The following NCALD variants were observed in gnomAD, a reference collection of about 807,000 sequenced individuals.
NCALD encodes the protein neurocalcin-delta.
In NCALD, 10 loss-of-function variants were observed where a neutral mutation model predicts 18.6. The ratio of observed to expected loss-of-function variants is 0.54; its 90% CI spans 0.33 to 0.91. NCALD has a LOEUF of 0.91. NCALD is among the 40% of genes least tolerant of loss of function. The pLI, the probability that NCALD is intolerant of heterozygous loss-of-function variation, is 0.03. For synonymous variants in NCALD, 88 were observed against 87.4 expected, an observed-to-expected ratio of 1.01 and a Z score of -0.04; for missense variants, 184 against 247.6, an observed-to-expected ratio of 0.74 and a Z score of 1.72.
chr8:101,818,737 G>A (rs970463957), intron 4 of NCALD, among the ~76,000 whole-genome samples: 8 of 152,254 alleles, frequency 5.3e-5, no homozygotes, highest in Middle Eastern at 3.4e-3. Context: ...CAGACGCAGC[G>A]GCTCATGCCT....
At chr8:102,000,065 G>A (rs540061986) in intron 2 of NCALD, among the ~76,000 whole-genome samples, 56 of 152,344 alleles carry the variant, frequency 3.7e-4, no homozygotes, top group Admixed American at 1.1e-3. Flanking sequence ...CGCACCGAGC[G>A]TGAGCCGAAG....
chr8:101,753,438 C>T (rs1810742724), intron 1 of NCALD, among the ~76,000 whole-genome samples: 1 of 152,214 alleles, frequency 6.6e-6, no homozygotes, highest in African/African-American at 2.4e-5. Flanking sequence ...TTTCTCTTCA[C>T]TTTCCTGTTA....
At chr8:101,988,988 C>G (rs534967993) in intron 2 of NCALD, among the ~76,000 whole-genome samples, 2 of 150,640 alleles carry the variant, frequency 1.3e-5, no homozygotes, top group African/African-American at 4.9e-5. Flanking sequence ...CTAGCAAGTG[C>G]AGCCTGAGTC....
intron 1 of NCALD, among the ~76,000 whole-genome samples, chr8:101,732,951 T>C (rs1816908942): frequency 6.6e-6 from 1 of 152,092 alleles, no homozygotes; most frequent in Non-Finnish European, 1.5e-5. Context: ...ACTGTAGAAT[T>C]GATGTGAGAT....
At chr8:102,067,794 A>G (rs1824056815) in intron 1 of NCALD, among the ~76,000 whole-genome samples, 1 of 152,202 alleles carries the variant, frequency 6.6e-6, no homozygotes, top group South Asian at 2.1e-4. Flanking sequence ...CAGGTAGAGA[A>G]TAAAGAACTA....
intron 1 of NCALD, among the ~76,000 whole-genome samples, chr8:101,733,720 A>G (rs1816946989): frequency 6.6e-6 from 1 of 152,188 alleles, no homozygotes; most frequent in Admixed American, 6.5e-5. Flanking sequence ...GATGCAAGAA[A>G]GAACGAGAGA....
intron 4 of NCALD, among the ~76,000 whole-genome samples, chr8:101,863,715 G>T (rs1483858795): frequency 1.3e-5 from 2 of 152,154 alleles, no homozygotes; most frequent in Admixed American, 6.5e-5. Context: ...ACTTTGAGAG[G>T]CTAGAAAGCT....
intron 3 of NCALD, chr8:101,915,610 T>C (rs1240224008): frequency 6.6e-6 from 1 of 152,214 alleles, no homozygotes; most frequent in Non-Finnish European, 1.5e-5. Context: ...CAGTACCTTA[T>C]TTACTTCATT....
intron 3 of NCALD, among the ~76,000 whole-genome samples, chr8:101,888,466 G>A (rs957346217): frequency 6.6e-6 from 1 of 151,830 alleles, no homozygotes; most frequent in Non-Finnish European, 1.5e-5. Flanking sequence ...CACCCAGATG[G>A]GAGTGCAGTA....
chr8:101,943,340 C>T lies in NCALD; in HGVS notation c.-156-27482G>A, dbSNP rs1229482096. 2.6e-5 allele frequency among the ~76,000 whole-genome samples: 4 copies of T among 152,170 alleles called. No individual in the cohort carries two copies. The East Asian group carries it at 7.7e-4, about 29-fold the overall frequency. ...TCAACTTTTAGCATAATCTAAAATG[C>T]CAGAAAACAATCCTTTCCTATTTGC... On this transcript the variant is annotated intron_variant, in intron 2 of 6. Coordinates refer to the NCALD transcript ENST00000311028.
At chr8:102,076,713 C>CT (rs143733046) in intron 1 of NCALD, among the ~76,000 whole-genome samples, 35,167 of 152,004 alleles carry the variant, frequency 0.23, 4,359 homozygotes, top group African/African-American at 0.29. Flanking sequence ...AACCATGTAC[C>CT]CAAATGCTGG....
At chr8:102,067,264 C>T (rs1241511469) in intron 1 of NCALD, among the ~76,000 whole-genome samples, 1 of 152,146 alleles carries the variant, frequency 6.6e-6, no homozygotes, top group Non-Finnish European at 1.5e-5. Flanking sequence ...CCTGAGGTGA[C>T]AGGGAAACAT....
chr8:101,916,693 AG>A, intron 2 of NCALD, among the ~76,000 whole-genome samples: 1 of 152,282 alleles, frequency 6.6e-6, no homozygotes, highest in Admixed American at 6.5e-5. Context: ...CAAAAAAAGC[AG>A]GAGTTGCTGT....
At chr8:101,872,290 A>T in intron 4 of NCALD, 1 of 1,364,756 alleles carries the variant, frequency 7.3e-7, no homozygotes, top group Non-Finnish European at 1.0e-6. Flanking sequence ...TTTATTCTTC[A>T]GTTTAATTGC....
chr8:102,119,011 G>A, intron 1 of NCALD, among the ~76,000 whole-genome samples: 1 of 152,206 alleles, frequency 6.6e-6, no homozygotes, highest in East Asian at 1.9e-4. Flanking sequence ...GGAAAACAGT[G>A]GATGTTCCTC....
At chr8:101,790,098 T>A (rs753976462) in intron 1 of NCALD, among the ~76,000 whole-genome samples, 5 of 152,206 alleles carry the variant, frequency 3.3e-5, no homozygotes, top group Non-Finnish European at 7.3e-5. Context: ...TGACGATTTT[T>A]AAAAATAACA....
intron 1 of NCALD, among the ~76,000 whole-genome samples, chr8:102,116,491 T>C (rs117291697): frequency 6.6e-6 from 1 of 151,932 alleles, no homozygotes; most frequent in Non-Finnish European, 1.5e-5. Context: ...GGTGGTGGTG[T>C]TGTTGTTTTG....
intron 2 of NCALD, among the ~76,000 whole-genome samples, chr8:101,923,647 A>C (rs927782034): frequency 9.2e-5 from 14 of 152,338 alleles, no homozygotes; most frequent in African/African-American, 3.1e-4. Context: ...CTTTTGTAAT[A>C]GTGATAATGG....
intron 1 of NCALD, 51 bp from the exon 2 acceptor site, chr8:101,719,699 C>T: frequency 6.9e-7 from 1 of 1,452,634 alleles, no homozygotes; most frequent in Non-Finnish European, 9.2e-7. Flanking sequence ...CTCTTTAGGG[C>T]TGCATTTTAT....
Sources: allele counts gnomAD v4.1 joint callset (sites outside exome capture counted in the v4.1 genomes callset), GRCh38; gene constraint gnomAD v4.1.1; transcripts MANE v1.5; gene names NCBI Gene and HGNC (gene_info 2026-07-23, HGNC 2026-07-21).